GLP1R: variants seen among roughly 807,000 people sequenced by gnomAD.
GLP1R encodes glucagon like peptide 1 receptor.
Under a neutral mutation model 68.4 loss-of-function variants are expected in GLP1R, and 32 were observed. The ratio of observed to expected loss-of-function variants is 0.47; its 90% CI spans 0.35 to 0.63. The LOEUF (loss-of-function observed/expected upper bound fraction) is 0.63. GLP1R is among the 20% of genes least tolerant of loss of function. The probability of loss-of-function intolerance (pLI) is 0.00; values close to 1 mark genes in which losing one functional copy is unlikely to be tolerated. For missense variants in GLP1R, 502 were observed against 594.9 expected (o/e 0.84, Z 1.62); for synonymous variants, 263 against 244.4 (o/e 1.08, Z -0.71).
chr6:39,069,538 CAGG>C (rs1163478000), intron 5 of GLP1R, among the ~76,000 whole-genome samples: 1 of 148,440 alleles, frequency 6.7e-6, no homozygotes, highest in Non-Finnish European at 1.5e-5. Flanking sequence ...GAGGCTGAGG[CAGG>C]AGAATGGCGT....
chr6:39,075,853 C>T (rs753245878), intron 7 of GLP1R, among the ~76,000 whole-genome samples: 1 of 152,210 alleles, frequency 6.6e-6, no homozygotes, highest in African/African-American at 2.4e-5. Flanking sequence ...CCTGTAGAAA[C>T]CCACATGGAG....
At chr6:39,054,670 G>C (rs1217603135) in intron 1 of GLP1R, among the ~76,000 whole-genome samples, 1 of 152,170 alleles carries the variant, frequency 6.6e-6, no homozygotes, top group East Asian at 1.9e-4. Context: ...GCCTGCCCCA[G>C]ACACACCTTC....
chr6:39,078,148 C>T (rs187661170), intron 7 of GLP1R, among the ~76,000 whole-genome samples, 174 bp from the exon 8 acceptor site: 1 of 152,256 alleles, frequency 6.6e-6, no homozygotes, highest in East Asian at 1.9e-4. Flanking sequence ...CATGGGGCTC[C>T]TGCTGCCTCT....
Position 39,048,929 on chromosome 6 carries a change from G to T in GLP1R, c.78+11G>T. On this transcript the variant is annotated intron_variant, in intron 1 of 12. Transcript: ENST00000373256. ...GGCCCCCGCCCCCAGGTGAGATCCA[G>T]GGACCCCGACGACACCGGGGGAGGC... 7.9e-7 allele frequency: 1 copy of T among 1,273,562 alleles called. No homozygotes were observed. The highest frequency in any genetic ancestry group is 3.0e-5 in the East Asian group (1 of 33,778). 78.9% of individuals were successfully genotyped at this position (1,273,562 alleles called of 1,614,324 possible). A position where few individuals can be genotyped will look rare whatever the true frequency, so the allele number is the denominator to read the frequency against.
chr6:39,089,922 TA>T lies in GLP1R; in HGVS notation c.*3854del, dbSNP rs1231373508. On this transcript the variant is annotated 3_prime_UTR_variant, in exon 13 of 13. Transcript: ENST00000373256. The surrounding 1 kb of genome is among the most constrained non-coding windows in gnomAD (Gnocchi z 4.1). ...CTTTTGGCTCCTACGAGGCAAACTA[TA>T]AAAATTCTCAAATAAAATACAGAGG... 6.6e-6 allele frequency among the ~76,000 whole-genome samples: 1 copy of T among 152,206 alleles called. No individual in the cohort carries two copies. Among genetic ancestry groups the T allele is most frequent in the African/African-American group, 2.4e-5 (1 of 41,450 alleles).
intron 1 of GLP1R, among the ~76,000 whole-genome samples, chr6:39,050,198 C>T (rs55650855): frequency 0.013 from 1,979 of 152,246 alleles, 53 homozygotes; most frequent in African/African-American, 0.042. Flanking sequence ...TTCCTCACAG[C>T]GCCCCCAGCC....
At chr6:39,048,994 G>A (rs1273669630) in intron 1 of GLP1R, 76 bp downstream of exon 1, 5 of 598,656 alleles carry the variant, frequency 8.4e-6, no homozygotes, top group Non-Finnish European at 1.3e-5. Context: ...TCCTGGTGGA[G>A]GGCCCCGGGA....
chr6:39,074,149 G>T (rs1768750386), intron 7 of GLP1R, among the ~76,000 whole-genome samples: 1 of 152,152 alleles, frequency 6.6e-6, no homozygotes, highest in Non-Finnish European at 1.5e-5. Flanking sequence ...GCCTCAAGGT[G>T]GGGAGGGGAT....
chr6:39,064,990 G>A (rs1562008554), intron 3 of GLP1R, among the ~76,000 whole-genome samples: 1 of 152,204 alleles, frequency 6.6e-6, no homozygotes. Context: ...TAGAGTCTAT[G>A]TGAAGGTAGG....
rs1769233867 is a variant in GLP1R at position 39,089,567 on chromosome 6, A to G, written c.*3494A>G. On this transcript the variant is annotated 3_prime_UTR_variant, in exon 13 of 13. Transcript: ENST00000373256. This position sits in a 1 kb window ranked among gnomAD's most constrained non-coding sequence, Gnocchi z 4.1. ...CACAGTCAGGAGACCTCCCCTCCTC[A>G]GTCCCTCCCATTTCTTTCTTCCGCA... Among the ~76,000 whole-genome samples the G allele has an allele frequency of 6.6e-6, 1 of 152,200 alleles. No homozygotes were observed. The highest frequency in any genetic ancestry group is 2.1e-4 in the South Asian group (1 of 4,828).
Position 39,079,818 on chromosome 6 carries a change from C to A in GLP1R, c.1182+116C>A. ...GAAGACTGGGACCTGGAGGGGTGAT[C>A]CCTGCCCAAAGTCACCTAGTTGGAG... is the stretch of plus-strand genomic sequence containing the variant. On this transcript the variant is annotated intron_variant, in intron 11 of 12. Transcript: ENST00000373256. The surrounding 1 kb of genome is among the most constrained non-coding windows in gnomAD (Gnocchi z 4.5). The A allele has an allele frequency of 2.1e-6, 2 of 936,892 alleles. No homozygotes were observed. Among genetic ancestry groups the A allele is most frequent in the Non-Finnish European group, 1.6e-6 (1 of 612,178 alleles). The allele number at this position is 936,892 out of a possible 1,614,324, so 58.0% of individuals were successfully genotyped here.
rs745372232 is a variant in GLP1R, at chr6:39,048,894, G to C, written c.54G>C (p.Val18=). ...TTGCGCTGCTGCTGCTCGGGATGGT[G>C]GGCAGGGCCGGCCCCCGCCCCCAGG... ...LRLALLLLGM[V]GRAGPRPQGA... is the part of the protein sequence containing the mutation. The change falls in exon 1 of 13, where the codon GTG becomes GTC. Residue 18 remains valine, a synonymous_variant. Coordinates refer to ENST00000373256, the MANE Select transcript of GLP1R (RefSeq NM_002062.5). The C allele has an allele frequency of 2.1e-6, 3 of 1,453,478 alleles. No individual in the cohort carries two copies. The South Asian group carries it at 4.2e-5, about 20-fold the overall frequency. 90.0% of individuals were successfully genotyped at this position (1,453,478 alleles called of 1,614,324 possible).
chr6:39,077,050 C>T (rs1013577002), intron 7 of GLP1R, among the ~76,000 whole-genome samples: 8 of 152,136 alleles, frequency 5.3e-5, no homozygotes, highest in Admixed American at 3.3e-4. Flanking sequence ...TGCTGCAGAA[C>T]GATTAACCCT....
At chr6:39,070,486 T>C (rs1462548093) in intron 5 of GLP1R, among the ~76,000 whole-genome samples, 1 of 152,232 alleles carries the variant, frequency 6.6e-6, no homozygotes, top group Non-Finnish European at 1.5e-5. Context: ...AGGAGTAGAA[T>C]TGCCAGGTCT....
intron 12 of GLP1R, among the ~76,000 whole-genome samples, chr6:39,081,415 C>A (rs1294413937): frequency 1.3e-5 from 2 of 152,164 alleles, no homozygotes; most frequent in Non-Finnish European, 2.9e-5. Flanking sequence ...CTTTCTGGTG[C>A]TAGGATGGGA....
intron 12 of GLP1R, among the ~76,000 whole-genome samples, chr6:39,083,085 GA>G (rs935683875): frequency 2.6e-5 from 4 of 152,058 alleles, no homozygotes; most frequent in African/African-American, 9.7e-5. Flanking sequence ...TTTGCCCTTG[GA>G]AAAAAACTTG....
chr6:39,050,689 C>T (rs1768067616), intron 1 of GLP1R, among the ~76,000 whole-genome samples: 1 of 152,308 alleles, frequency 6.6e-6, no homozygotes, highest in African/African-American at 2.4e-5. Flanking sequence ...ACAATTATGA[C>T]ACAACATCAT....
chr6:39,073,810 G>T, intron 7 of GLP1R, 41 bp downstream of exon 7: 1 of 1,590,608 alleles, frequency 6.3e-7, no homozygotes. Context: ...GTGGCACGGG[G>T]GTGGGAGACC....
chr6:39,054,763 T>C (rs2150820316), intron 1 of GLP1R, among the ~76,000 whole-genome samples: 1 of 152,312 alleles, frequency 6.6e-6, no homozygotes, highest in Non-Finnish European at 1.5e-5. Flanking sequence ...TCCGTCTCTC[T>C]GCCCTCCACC....
Sources: gnomAD v4.1 joint callset for allele counts (sites outside exome capture counted in the v4.1 genomes callset) on GRCh38, gnomAD v4.1.1 for gene constraint, Gnocchi (gnomAD v3.1) non-coding constraint, MANE v1.5 for transcripts, NCBI Gene and HGNC (gene_info 2026-07-23, HGNC 2026-07-21) for gene names.